The following ITPKB variants were observed in gnomAD, a reference collection of about 807,000 sequenced individuals.
ITPKB encodes IP3 3-kinase B.
ITPKB carries 13 observed loss-of-function variants against 69.4 expected under a neutral mutation model. The ratio of observed to expected loss-of-function variants is 0.19; its 90% CI spans 0.12 to 0.30. The LOEUF (loss-of-function observed/expected upper bound fraction) is 0.30. Among genes scored for constraint, ITPKB ranks in the 10% least tolerant of loss-of-function variants. ITPKB has a pLI of 1.00. For missense variants in ITPKB, 1,240 were observed against 1,250.5 expected, an observed-to-expected ratio of 0.99 and a Z score of 0.13; for synonymous variants, 584 against 513.7, an observed-to-expected ratio of 1.14 and a Z score of -1.85.
rs1340688748 is a variant in ITPKB, at chr1:226,631,878, G to GC, written c.*2792dup. 2 of 152,258 alleles carry GC rather than the reference G, an allele frequency of 1.3e-5. No homozygotes were observed. Among genetic ancestry groups the GC allele is most frequent in the African/African-American group, 4.8e-5 (2 of 41,412 alleles). The allele number at this position is 152,258 out of a possible 1,614,324, so 9.4% of individuals were successfully genotyped here. On this transcript the variant is annotated 3_prime_UTR_variant, in exon 8 of 8. Coordinates refer to ENST00000429204, the MANE Select transcript of ITPKB (RefSeq NM_002221.4). Reference sequence around the variant, plus strand: ...GCACTGACGAGGTGACCACCCCAGAGCCAGGGGCTGGGTTATATACACATG... The same window carrying GC: ...GCACTGACGAGGTGACCACCCCAGAGCCCAGGGGCTGGGTTATATACACATG...
chr1:226,658,511 G>GTCCTTTATTT (rs1669338637), intron 2 of ITPKB, among the ~76,000 whole-genome samples: 4 of 152,220 alleles, frequency 2.6e-5, no homozygotes, highest in Admixed American at 2.6e-4. Context: ...GGCAGGACAG[G>GTCCTTTATTT]TAGCTCCAGC....
At chr1:226,652,464 C>T (rs1488411641) in intron 2 of ITPKB, among the ~76,000 whole-genome samples, 1 of 151,802 alleles carries the variant, frequency 6.6e-6, no homozygotes, top group Admixed American at 6.6e-5. Context: ...GGAGGACAAC[C>T]CAGAAGAATC....
At chr1:226,723,784 C>T (rs545087669) in intron 2 of ITPKB, among the ~76,000 whole-genome samples, 1 of 152,186 alleles carries the variant, frequency 6.6e-6, no homozygotes, top group East Asian at 1.9e-4. Context: ...AGGCTGGTCC[C>T]CAGGGTGTGT....
At chr1:226,658,326 A>G (rs1488706274) in intron 2 of ITPKB, among the ~76,000 whole-genome samples, 1 of 152,198 alleles carries the variant, frequency 6.6e-6, no homozygotes, top group Non-Finnish European at 1.5e-5. Flanking sequence ...GCTGGGTACA[A>G]GCCCAGGCAG....
Position 226,637,275 on chromosome 1 carries a change from G to A in ITPKB, c.2625+404C>T, listed in dbSNP as rs1260285313. ...CCAGCCCTGCCCGAGAGTGGCACCTGAAGACCTGCCTGCCCTCCTCAGGGT... is the reference window on the plus strand; with the variant it reads ...CCAGCCCTGCCCGAGAGTGGCACCTAAAGACCTGCCTGCCCTCCTCAGGGT... On this transcript the variant is annotated intron_variant, in intron 7 of 7. Transcript: ENST00000429204. This position sits in a 1 kb window ranked among gnomAD's most constrained non-coding sequence, Gnocchi z 4.3. Among the ~76,000 whole-genome samples the A allele has an allele frequency of 5.9e-5, 9 of 152,202 alleles. No homozygotes were observed. Among genetic ancestry groups the A allele is most frequent in the African/African-American group, 2.2e-4 (9 of 41,436 alleles).
chr1:226,699,542 T>C (rs901308420), intron 2 of ITPKB, among the ~76,000 whole-genome samples: 1 of 152,226 alleles, frequency 6.6e-6, no homozygotes, highest in African/African-American at 2.4e-5. Context: ...TTAATAGCAC[T>C]TACCTCACAG....
At chr1:226,685,653 A>T (rs546262970) in intron 2 of ITPKB, among the ~76,000 whole-genome samples, 3 of 152,176 alleles carry the variant, frequency 2.0e-5, no homozygotes, top group Non-Finnish European at 4.4e-5. Context: ...ATCTGACTGC[A>T]TGTCTCTGTG....
chr1:226,713,985 C>T (rs542687813), intron 2 of ITPKB, among the ~76,000 whole-genome samples: 9 of 152,220 alleles, frequency 5.9e-5, no homozygotes, highest in South Asian at 2.1e-4. Context: ...AAATCTTGAC[C>T]GTCTATGGCA....
chr1:226,739,020 T>A (rs1203679026), intron 1 of ITPKB, 21 bp downstream of exon 1: 1 of 152,204 alleles, frequency 6.6e-6, no homozygotes, highest in Non-Finnish European at 1.5e-5. Context: ...GCGAGAGCCA[T>A]TAAAAGGCCG....
chr1:226,727,499 G>A (rs988656758), intron 2 of ITPKB, among the ~76,000 whole-genome samples: 6 of 152,168 alleles, frequency 3.9e-5, no homozygotes, highest in African/African-American at 7.2e-5. Flanking sequence ...AATCCTTCTC[G>A]CGGCAGGCTG....
At chr1:226,659,741 G>A (rs1268467846) in intron 2 of ITPKB, 3 of 152,192 alleles carry the variant, frequency 2.0e-5, no homozygotes, top group African/African-American at 7.2e-5. Flanking sequence ...GTGGGGCAGG[G>A]AAGGGAAAGG....
intron 2 of ITPKB, among the ~76,000 whole-genome samples, chr1:226,718,612 C>A (rs1354234910): frequency 6.6e-6 from 1 of 152,070 alleles, no homozygotes; most frequent in Non-Finnish European, 1.5e-5. Flanking sequence ...TCAAAAAAAA[C>A]AAAACAAAAC....
intron 2 of ITPKB, among the ~76,000 whole-genome samples, chr1:226,668,426 C>T (rs1178228396): frequency 1.3e-5 from 2 of 152,150 alleles, no homozygotes; most frequent in African/African-American, 4.8e-5. Flanking sequence ...TGTTCCTAAG[C>T]TTGAAGACCA....
chr1:226,645,147 G>A (rs1050883346), intron 4 of ITPKB, among the ~76,000 whole-genome samples: 2 of 152,228 alleles, frequency 1.3e-5, no homozygotes, highest in Non-Finnish European at 2.9e-5. Context: ...CGGTGAGAAC[G>A]CAATGGGATA....
rs112042513 is a variant in ITPKB at position 226,646,850 on chromosome 1, T to C, written c.2246+317A>G. On this transcript the variant is annotated intron_variant, in intron 4 of 7. Transcript: ENST00000429204. Reference sequence around the variant, plus strand: ...TCCCCGCACCCCCAGCGATCCCACCTGAACCAAGGGCAGCTCTCTCTTCCT... The same window carrying C: ...TCCCCGCACCCCCAGCGATCCCACCCGAACCAAGGGCAGCTCTCTCTTCCT... Among the ~76,000 whole-genome samples the C allele has an allele frequency of 3.3e-3, 508 of 152,302 alleles. 4 individuals are homozygous for C. Among genetic ancestry groups the C allele is most frequent in the African/African-American group, 0.011 (461 of 41,566 alleles).
At chr1:226,688,417 C>T (rs892900233) in intron 2 of ITPKB, among the ~76,000 whole-genome samples, 7 of 152,014 alleles carry the variant, frequency 4.6e-5, no homozygotes, top group African/African-American at 1.4e-4. Flanking sequence ...TGTTCAGGGT[C>T]CCACAGAACC....
chr1:226,639,751 C>G, intron 5 of ITPKB, 93 bp from the exon 6 acceptor site: 1 of 849,722 alleles, frequency 1.2e-6, no homozygotes. Context: ...AGCAGGCGAG[C>G]CCCATCTGAA....
At chr1:226,722,156 A>C (rs1290585076) in intron 2 of ITPKB, among the ~76,000 whole-genome samples, 1 of 152,210 alleles carries the variant, frequency 6.6e-6, no homozygotes, top group Non-Finnish European at 1.5e-5. Flanking sequence ...TTGCAAAGTC[A>C]GTGTTCCCAA....
Position 226,632,620 on chromosome 1 carries a change from T to C in ITPKB, c.*2051A>G, listed in dbSNP as rs1333465235. 6.5e-6 allele frequency: 1 copy of C among 152,674 alleles called. No homozygotes were observed. Among genetic ancestry groups the C allele is most frequent in the Non-Finnish European group, 1.5e-5 (1 of 68,046 alleles). The allele number at this position is 152,674 out of a possible 1,614,324, so 9.5% of individuals were successfully genotyped here. ...TTTAATGTAACCCACAGCCAAGTAT[T>C]GCCAATAAGAGGCCCCATGGGCCTC... On this transcript the variant is annotated 3_prime_UTR_variant, in exon 8 of 8. Coordinates refer to ENST00000429204, the MANE Select transcript of ITPKB (RefSeq NM_002221.4).
Sources: gnomAD v4.1 joint callset for allele counts (sites outside exome capture counted in the v4.1 genomes callset) on GRCh38, gnomAD v4.1.1 for gene constraint, Gnocchi (gnomAD v3.1) non-coding constraint, MANE v1.5 for transcripts, NCBI Gene and HGNC (gene_info 2026-07-23, HGNC 2026-07-21) for gene names.